SEC24A: variants seen among roughly 807,000 people sequenced by gnomAD.
SEC24A encodes SEC24 homolog A, COPII component.
A neutral mutation model predicts 129.4 loss-of-function variants in SEC24A; 93 were observed. That is an observed-to-expected ratio of 0.72 (90% CI 0.61 to 0.85). SEC24A has a LOEUF of 0.85. Among genes scored for constraint, SEC24A ranks in the 40% least tolerant of loss-of-function variants. SEC24A has a pLI of 0.00. For missense variants in SEC24A, 1,264 were observed against 1,307.4 expected (o/e 0.97, Z 0.51); for synonymous variants, 460 against 467.3 (o/e 0.98, Z 0.20).
chr5:134,676,696 A>C (rs1220056814), intron 7 of SEC24A, among the ~76,000 whole-genome samples: 1 of 152,122 alleles, frequency 6.6e-6, no homozygotes, highest in African/African-American at 2.4e-5. Context: ...CCACCTCCCA[A>C]AGTGCTGGGA....
At chr5:134,693,203 G>A (rs989700698) in intron 12 of SEC24A, 2 of 1,520,960 alleles carry the variant, frequency 1.3e-6, no homozygotes, top group African/African-American at 1.4e-5. Flanking sequence ...GGTCTCTGCT[G>A]TTGGCAATGG....
In SEC24A at chr5:134,715,283, A is replaced by T. The variant is rs531063790; in HGVS notation, c.2865+122A>T. ...GCTTTAGCTTTTATTTTATTTATTT[A>T]TTTTTTTGGCTAAGTCTGAGTAAAT... On this transcript the variant is annotated intron_variant, in intron 19 of 22. Transcript: ENST00000398844. 7.7e-6 allele frequency: 7 copies of T among 912,034 alleles called. No individual in the cohort carries two copies. In the Admixed American group the frequency reaches 1.9e-4, roughly 25 times the overall value. The allele number at this position is 912,034 out of a possible 1,614,324, so 56.5% of individuals were successfully genotyped here.
intron 1 of SEC24A, among the ~76,000 whole-genome samples, chr5:134,660,215 A>G (rs1271989125): frequency 6.6e-6 from 1 of 151,694 alleles, no homozygotes; most frequent in Non-Finnish European, 1.5e-5. Context: ...AAAAAAAAAA[A>G]ATTAGGCCGG....
chr5:134,692,703 G>A (rs1483517708), intron 12 of SEC24A, 46 bp downstream of exon 12: 1 of 1,087,488 alleles, frequency 9.2e-7, no homozygotes, highest in Non-Finnish European at 1.4e-6. Flanking sequence ...AAATATTGAA[G>A]GAATATGTTT....
chr5:134,682,488 C>T lies in SEC24A; in HGVS notation c.1491+6C>T, dbSNP rs1751309757. The T allele has an allele frequency of 6.7e-7, 1 of 1,485,150 alleles. No individual in the cohort carries two copies. Among genetic ancestry groups the T allele is most frequent in the East Asian group, 2.3e-5 (1 of 44,208 alleles). 92.0% of individuals were successfully genotyped at this position (1,485,150 alleles called of 1,614,324 possible). On this transcript the variant is annotated splice_donor_region_variant and intron_variant, in intron 9 of 22. Transcript: ENST00000398844. ...TGGCTCCTTCAGAATACATGGTAAA[C>T]TTTTATTTTTTGATACAGTATACCC...
intron 4 of SEC24A, among the ~76,000 whole-genome samples, chr5:134,672,990 G>A (rs1292068770): frequency 1.3e-5 from 2 of 151,000 alleles, no homozygotes; most frequent in African/African-American, 4.9e-5. Context: ...GATCCCTCCT[G>A]CCTTGGTTCC....
intron 17 of SEC24A, among the ~76,000 whole-genome samples, chr5:134,707,667 T>C (rs1752206325): frequency 6.6e-6 from 1 of 152,038 alleles, no homozygotes; most frequent in South Asian, 2.1e-4. Context: ...GTAACTATGA[T>C]TATTATTATT....
chr5:134,676,630 G>A (rs1297703690), intron 7 of SEC24A, among the ~76,000 whole-genome samples: 2 of 152,038 alleles, frequency 1.3e-5, no homozygotes, highest in Middle Eastern at 3.4e-3. Context: ...TTTTAGTAGA[G>A]ATGGTGTTTC....
rs10070392 is a variant in SEC24A, at chr5:134,705,294, C to G, written c.2441-33C>G. ...CATAATCTTTTGTTTTATATAGTTG[C>G]CCCTCACTGTTGTTTGTGTATTTTC... is the stretch of plus-strand genomic sequence containing the variant. On this transcript the variant is annotated intron_variant, in intron 16 of 22. Coordinates refer to ENST00000398844, the MANE Select transcript of SEC24A (RefSeq NM_021982.3). The G allele has an allele frequency of 2.6e-3, 3,829 of 1,472,734 alleles. 101 individuals are homozygous for G. In the African/African-American group the frequency reaches 0.047, roughly 18 times the overall value. The allele number at this position is 1,472,734 out of a possible 1,614,324, so 91.2% of individuals were successfully genotyped here. A position where few individuals can be genotyped will look rare whatever the true frequency, so the allele number is the denominator to read the frequency against.
intron 20 of SEC24A, among the ~76,000 whole-genome samples, chr5:134,718,885 G>A (rs1752552634): frequency 6.6e-6 from 1 of 150,912 alleles, no homozygotes; most frequent in African/African-American, 2.4e-5. Flanking sequence ...CAGGAGAATC[G>A]CTTGAACCCA....
Position 134,715,067 on chromosome 5 carries a change from T to G in SEC24A, c.2771T>G (p.Ile924Ser), listed in dbSNP as rs1330718481. 1.2e-6 allele frequency: 2 copies of G among 1,613,070 alleles called. No individual in the cohort carries two copies. The highest frequency in any genetic ancestry group is 2.7e-5 in the African/African-American group (2 of 74,886). The change falls in exon 19 of 23, where the codon ATT becomes AGT. Residue 924 changes from isoleucine (I) to serine (S), a missense_variant. Ile to Ser is a moderately radical substitution (Grantham distance 142). Coordinates refer to ENST00000398844, the MANE Select transcript of SEC24A (RefSeq NM_021982.3). ...TGTNARLDER[I>S]FAMCQVKNQP... ...ACAAATGCACGTCTAGATGAACGCA[T>G]TTTTGCTATGTGTCAAGTGAAAAAC...
chr5:134,709,496 A>G (rs1004918190), intron 18 of SEC24A, among the ~76,000 whole-genome samples: 5 of 152,216 alleles, frequency 3.3e-5, no homozygotes, highest in Non-Finnish European at 7.3e-5. Flanking sequence ...AGAATTGTAT[A>G]TTATATTGCT....
intron 7 of SEC24A, among the ~76,000 whole-genome samples, chr5:134,677,936 C>T (rs1363622016): frequency 6.6e-6 from 1 of 152,084 alleles, no homozygotes; most frequent in Non-Finnish European, 1.5e-5. Flanking sequence ...TCAGTGTTCA[C>T]CTGTCTCAGG....
chr5:134,686,392 A>G (rs1477623138), intron 9 of SEC24A, among the ~76,000 whole-genome samples: 1 of 151,908 alleles, frequency 6.6e-6, no homozygotes, highest in Admixed American at 6.6e-5. Flanking sequence ...GCCTGCCACC[A>G]CATCTGACTA....
intron 1 of SEC24A, among the ~76,000 whole-genome samples, chr5:134,653,733 G>A (rs1750143946): frequency 6.6e-6 from 1 of 151,988 alleles, no homozygotes; most frequent in South Asian, 2.1e-4. Flanking sequence ...CATGGTGCGG[G>A]CCCAGTAGTC....
intron 2 of SEC24A, among the ~76,000 whole-genome samples, chr5:134,663,730 A>G (rs564632193): frequency 5.3e-5 from 8 of 152,258 alleles, no homozygotes; most frequent in East Asian, 3.9e-4. Context: ...AAAAAGGTAC[A>G]TTATCAATAA....
chr5:134,693,780 G>A lies in SEC24A; in HGVS notation c.1833G>A (p.Glu611=). Residue 611 remains glutamate, a synonymous_variant, in exon 13 of 23, where the codon GAG becomes GAA. Coordinates refer to ENST00000398844, the MANE Select transcript of SEC24A (RefSeq NM_021982.3). ...CACAAATGTTTACCAAGACTCTGGA[G>A]ACCCAGAGTGCCTTGGGTCCTGCAC... is the stretch of plus-strand genomic sequence containing the variant. The part of the protein sequence containing the change: ...TLPQMFTKTL[E]TQSALGPALQ... 1.2e-6 allele frequency: 2 copies of A among 1,614,106 alleles called. No individual in the cohort carries two copies. Among genetic ancestry groups the A allele is most frequent in the African/African-American group, 2.7e-5 (2 of 75,046 alleles).
chr5:134,662,290 G>C (rs1297394331), intron 2 of SEC24A, among the ~76,000 whole-genome samples: 1 of 152,002 alleles, frequency 6.6e-6, no homozygotes, highest in African/African-American at 2.4e-5. Flanking sequence ...GAGTAGCTGG[G>C]ACTACAGGTG....
chr5:134,669,720 G>A (rs947520729), intron 3 of SEC24A, among the ~76,000 whole-genome samples: 8 of 147,976 alleles, frequency 5.4e-5, no homozygotes, highest in African/African-American at 2.0e-4. Flanking sequence ...CTTGTGATCC[G>A]CCTGCCTCAG....
Sources: allele counts gnomAD v4.1 joint callset (sites outside exome capture counted in the v4.1 genomes callset), GRCh38; gene constraint gnomAD v4.1.1; transcripts MANE v1.5; gene names NCBI Gene and HGNC (gene_info 2026-07-23, HGNC 2026-07-21).